LEPR: variants seen among roughly 807,000 people sequenced by gnomAD.
LEPR encodes leptin receptor.
LEPR carries 56 observed loss-of-function variants against 114.7 expected under a neutral mutation model. The ratio of observed to expected loss-of-function variants is 0.49; its 90% CI spans 0.39 to 0.61. LEPR has a LOEUF of 0.61. LEPR is among the 20% of genes least tolerant of loss of function. The pLI, the probability that LEPR is intolerant of heterozygous loss-of-function variation, is 0.00. For synonymous variants in LEPR, 443 were observed against 461.4 expected, an observed-to-expected ratio of 0.96 and a Z score of 0.51; for missense variants, 1,202 against 1,352.9, an observed-to-expected ratio of 0.89 and a Z score of 1.75.
At chr1:65,631,228 G>A (rs183403675) in intron 19 of LEPR, among the ~76,000 whole-genome samples, 1 of 152,220 alleles carries the variant, frequency 6.6e-6, no homozygotes, top group African/African-American at 2.4e-5. Context: ...TGGTTGTGAA[G>A]GGTAGTTCTT....
In LEPR at chr1:65,639,647, T is replaced by G. The variant is rs534398505; in HGVS notation, c.*2632T>G. 1 of 152,216 alleles carries G rather than the reference T, an allele frequency of 6.6e-6. No individual in the cohort carries two copies. The highest frequency in any genetic ancestry group is 1.5e-5 in the Non-Finnish European group (1 of 68,040). The allele number at this position is 152,216 out of a possible 1,614,324, so 9.4% of individuals were successfully genotyped here. A position where few individuals can be genotyped will look rare whatever the true frequency, so the allele number is the denominator to read the frequency against. ...TAGGGGCTATGGTCTTTTAAACTTATAAATCTGGAATTTTTAATATTTCAT... is the reference window on the plus strand; with the variant it reads ...TAGGGGCTATGGTCTTTTAAACTTAGAAATCTGGAATTTTTAATATTTCAT... On this transcript the variant is annotated 3_prime_UTR_variant, in exon 20 of 20. Transcript: ENST00000349533.
chr1:65,614,153 G>A (rs564394307), intron 14 of LEPR, among the ~76,000 whole-genome samples: 1 of 152,184 alleles, frequency 6.6e-6, no homozygotes, highest in South Asian at 2.1e-4. Context: ...GCACATGAAT[G>A]TTTAAGCAGC....
intron 16 of LEPR, among the ~76,000 whole-genome samples, chr1:65,619,241 T>C (rs1021853992): frequency 1.5e-4 from 23 of 152,228 alleles, no homozygotes; most frequent in Non-Finnish European, 3.1e-4. Context: ...GCGCAGGTAG[T>C]TTCTCTCTGT....
At chr1:65,592,521 G>GTT (rs35783270) in intron 5 of LEPR, 136 bp from the exon 6 acceptor site, 21,401 of 691,458 alleles carry the variant, frequency 0.031, 6 homozygotes, top group East Asian at 0.12. Flanking sequence ...CTAATGTAGG[G>GTT]TTTTTTTTTT....
At chr1:65,627,670 A>G (rs1658298869) in intron 19 of LEPR, among the ~76,000 whole-genome samples, 1 of 152,304 alleles carries the variant, frequency 6.6e-6, no homozygotes, top group East Asian at 1.9e-4. Flanking sequence ...TACTCATAGC[A>G]GTATTATTCA....
At chr1:65,430,060 T>C in intron 2 of LEPR, 4 of 1,548,612 alleles carry the variant, frequency 2.6e-6, no homozygotes, top group Admixed American at 1.7e-5. Context: ...TAAGTTTTAT[T>C]TTCTATTGTT....
chr1:65,548,552 C>T (rs1030663817), intron 2 of LEPR, among the ~76,000 whole-genome samples: 6 of 152,242 alleles, frequency 3.9e-5, no homozygotes, highest in East Asian at 3.9e-4. Context: ...GATCCCTTTA[C>T]CATTATGTAA....
At chr1:65,558,501 G>GTT (rs781558613) in intron 2 of LEPR, among the ~76,000 whole-genome samples, 756 of 23,114 alleles carry the variant, frequency 0.033, 87 homozygotes, top group Middle Eastern at 0.18. Context: ...GTTTCTTAAT[G>GTT]TTTTTTTTTT....
chr1:65,528,795 A>C (rs1407947301), intron 2 of LEPR, among the ~76,000 whole-genome samples: 1 of 152,016 alleles, frequency 6.6e-6, no homozygotes, highest in Non-Finnish European at 1.5e-5. Context: ...TTTTTTTAAA[A>C]AAAGAAAGTT....
At chr1:65,421,123 A>G (rs1252677828) in intron 1 of LEPR, among the ~76,000 whole-genome samples, 2 of 152,172 alleles carry the variant, frequency 1.3e-5, no homozygotes, top group African/African-American at 4.8e-5. Flanking sequence ...CCTATTTGCC[A>G]CAAAGGACCC....
At chr1:65,518,402 C>G (rs1649395028) in intron 2 of LEPR, among the ~76,000 whole-genome samples, 1 of 152,142 alleles carries the variant, frequency 6.6e-6, no homozygotes, top group South Asian at 2.1e-4. Context: ...CCTGTTTAAT[C>G]TCTTTAAAGA....
intron 19 of LEPR, among the ~76,000 whole-genome samples, chr1:65,627,789 A>C (rs993781044): frequency 2.6e-5 from 4 of 152,188 alleles, no homozygotes; most frequent in African/African-American, 9.6e-5. Flanking sequence ...ATTGTTTTTA[A>C]AAATAATTCA....
chr1:65,549,449 C>G (rs1557655525), intron 2 of LEPR, among the ~76,000 whole-genome samples: 1 of 152,198 alleles, frequency 6.6e-6, no homozygotes, highest in Admixed American at 6.5e-5. Context: ...TTCAGGTACA[C>G]CAATCAGACG....
chr1:65,595,335 G>A lies in LEPR; in HGVS notation c.704-1113G>A, dbSNP rs553925613. 1.1e-4 allele frequency among the ~76,000 whole-genome samples: 16 copies of A among 152,116 alleles called. No individual in the cohort carries two copies. In the South Asian group the frequency reaches 2.9e-3, roughly 28 times the overall value. On this transcript the variant is annotated intron_variant, in intron 6 of 19. Transcript: ENST00000349533. ...TCCTTCATGGCCTCCCAACTCCATT[G>A]TGTTAGGGTTTCACACTAGTAACTC...
In LEPR at chr1:65,601,901, A is replaced by G; in HGVS notation, c.1344A>G (p.Arg448=). ...GGTACTTAACTAAAATGACTTGCAG[A>G]TGGTCAACCAGTACAATCCAGTCAC... ...TDGYLTKMTC[R]WSTSTIQSLA... is the part of the protein sequence containing the mutation. The change falls in exon 10 of 20, where the codon AGA becomes AGG. Residue 448 remains arginine (R), a synonymous_variant. Coordinates refer to ENST00000349533, the MANE Select transcript of LEPR (RefSeq NM_002303.6). 6.2e-7 allele frequency: 1 copy of G among 1,613,700 alleles called. No homozygotes were observed. Among genetic ancestry groups the G allele is most frequent in the South Asian group, 1.1e-5 (1 of 91,070 alleles).
chr1:65,455,620 G>T (rs1024506853), intron 2 of LEPR, among the ~76,000 whole-genome samples: 12 of 152,216 alleles, frequency 7.9e-5, no homozygotes, highest in African/African-American at 2.9e-4. Context: ...GGACCCACTT[G>T]AGGAGGCAGT....
intron 2 of LEPR, among the ~76,000 whole-genome samples, chr1:65,465,637 C>T (rs1647001658): frequency 6.6e-6 from 1 of 152,004 alleles, no homozygotes; most frequent in Non-Finnish European, 1.5e-5. Context: ...TTAAAGTCTC[C>T]CATTATTATT....
chr1:65,475,578 C>G (rs1465714800), intron 2 of LEPR, among the ~76,000 whole-genome samples: 1 of 152,000 alleles, frequency 6.6e-6, no homozygotes, highest in Non-Finnish European at 1.5e-5. Flanking sequence ...TGGAAGACTA[C>G]TTTAAAACAT....
rs71058408 is a variant in LEPR, at chr1:65,422,356, A to ATGCTGGCAACCC, written c.-97+1616_-97+1617insTGCTGGCAACCC. On this transcript the variant is annotated intron_variant, in intron 1 of 19. Coordinates refer to ENST00000349533, the MANE Select transcript of LEPR (RefSeq NM_002303.6). ...ATTGTTGGCAACCATGCTGGCAACCACTGAGTGTTAGGAAGAGGCAAGGAA... is the reference window on the plus strand; with the variant it reads ...ATTGTTGGCAACCATGCTGGCAACCATGCTGGCAACCCCTGAGTGTTAGGAAGAGGCAAGGAA... Among the ~76,000 whole-genome samples the ATGCTGGCAACCC allele has an allele frequency of 2.0e-5, 3 of 152,086 alleles. No individual in the cohort carries two copies. The South Asian group carries it at 6.2e-4, about 32-fold the overall frequency.
Sources: allele counts gnomAD v4.1 joint callset (sites outside exome capture counted in the v4.1 genomes callset), GRCh38; gene constraint gnomAD v4.1.1; transcripts MANE v1.5; gene names NCBI Gene and HGNC (gene_info 2026-07-23, HGNC 2026-07-21).